GPC5: variants seen among roughly 807,000 people sequenced by gnomAD.
GPC5 encodes the protein glypican-5.
GPC5 carries 47 observed loss-of-function variants against 53.9 expected under a neutral mutation model. That is an observed-to-expected ratio of 0.87 (90% confidence interval 0.69 to 1.11). GPC5 has a LOEUF of 1.11. Ranked by LOEUF, GPC5 falls within the 50% of genes most tolerant of loss-of-function variation. The pLI is 0.00. For synonymous variants in GPC5, 286 were observed against 263.3 expected (o/e 1.09, Z -0.84); for missense variants, 748 against 713.1 (o/e 1.05, Z -0.56).
chr13:91,729,281 A>G (rs967345310), intron 4 of GPC5, among the ~76,000 whole-genome samples: 2 of 152,140 alleles, frequency 1.3e-5, no homozygotes, highest in African/African-American at 4.8e-5. Context: ...GGTTAAATTC[A>G]GGCCTCATTT....
intron 7 of GPC5, among the ~76,000 whole-genome samples, chr13:92,771,127 T>C (rs1391761205): frequency 6.6e-6 from 1 of 151,892 alleles, no homozygotes; most frequent in Admixed American, 6.6e-5. Context: ...GACAACAGAG[T>C]GAGACCTCAT....
At chr13:92,306,336 G>T (rs2139204172) in intron 7 of GPC5, among the ~76,000 whole-genome samples, 1 of 152,262 alleles carries the variant, frequency 6.6e-6, no homozygotes, top group Admixed American at 6.5e-5. Context: ...CAAATTAAAG[G>T]TGGACCTTCT....
At chr13:92,695,002 C>T (rs910913668) in intron 7 of GPC5, among the ~76,000 whole-genome samples, 5 of 152,136 alleles carry the variant, frequency 3.3e-5, no homozygotes, top group South Asian at 4.2e-4. Context: ...ACAGTTCCTA[C>T]GTCACTCTCT....
At chr13:92,221,462 G>C (rs2042447898) in intron 7 of GPC5, among the ~76,000 whole-genome samples, 1 of 152,090 alleles carries the variant, frequency 6.6e-6, no homozygotes, top group Non-Finnish European at 1.5e-5. Flanking sequence ...CCTCAAAGTA[G>C]AGTTAGGAAT....
At chr13:92,219,376 T>G (rs1467219857) in intron 7 of GPC5, among the ~76,000 whole-genome samples, 1 of 152,118 alleles carries the variant, frequency 6.6e-6, no homozygotes, top group Non-Finnish European at 1.5e-5. Context: ...CTTACCTTAT[T>G]CCTGCATACA....
chr13:92,031,596 A>G (rs1161975642), intron 6 of GPC5, among the ~76,000 whole-genome samples: 1 of 144,304 alleles, frequency 6.9e-6, no homozygotes, highest in African/African-American at 2.6e-5. Context: ...GGAGTAAGGA[A>G]CAATTTGCAA....
At chr13:91,718,517 TGAA>T (rs894023331) in intron 3 of GPC5, among the ~76,000 whole-genome samples, 2 of 152,138 alleles carry the variant, frequency 1.3e-5, no homozygotes, top group African/African-American at 4.8e-5. Flanking sequence ...CTTCTCTTGA[TGAA>T]GAAGAGTTTT....
At chr13:91,624,065 G>A (rs1488517881) in intron 2 of GPC5, among the ~76,000 whole-genome samples, 5 of 152,112 alleles carry the variant, frequency 3.3e-5, no homozygotes, top group Non-Finnish European at 7.4e-5. Context: ...TGAACGATTA[G>A]CAGTTTGACC....
At chr13:92,336,635 G>A (rs980530663) in intron 7 of GPC5, among the ~76,000 whole-genome samples, 1 of 152,110 alleles carries the variant, frequency 6.6e-6, no homozygotes, top group Non-Finnish European at 1.5e-5. Context: ...CCATAGTAAA[G>A]TTATATGAAA....
chr13:92,570,705 C>A (rs1882996517), intron 7 of GPC5, among the ~76,000 whole-genome samples: 2 of 151,980 alleles, frequency 1.3e-5, no homozygotes, highest in South Asian at 2.1e-4. Context: ...AATCCATATA[C>A]AACCAACACA....
At chr13:92,721,397 A>G (rs1888504671) in intron 7 of GPC5, 1 of 151,780 alleles carries the variant, frequency 6.6e-6, no homozygotes, top group Non-Finnish European at 1.5e-5. Context: ...AAAATTAAAA[A>G]CCCTCCAATT....
Position 91,759,219 on chromosome 13 carries a change from ATTCT to A in GPC5, c.1280+2802_1280+2805del, listed in dbSNP as rs1437342064. Among the ~76,000 whole-genome samples the A allele has an allele frequency of 1.1e-4, 17 of 152,174 alleles. No individual in the cohort carries two copies. In the East Asian group the frequency reaches 2.7e-3, roughly 24 times the overall value. On this transcript the variant is annotated intron_variant, in intron 5 of 7. Coordinates refer to ENST00000377067, the MANE Select transcript of GPC5 (RefSeq NM_004466.6). Reference sequence around the variant, plus strand: ...TTTAATTTTAGTCATGACTCAGTCAATTCTTTATTTTTTTTCATTTTTAATTTTT... The same window carrying A: ...TTTAATTTTAGTCATGACTCAGTCAATTATTTTTTTTCATTTTTAATTTTT...
Position 91,584,639 on chromosome 13 carries a change from C to T in GPC5, c.326-108548C>T, listed in dbSNP as rs546974825. ...TGTTGCCCAGGCTGGAGTGCAATGG[C>T]GCAATCTTGGCTCACTGTAACCTCC... On this transcript the variant is annotated intron_variant, in intron 2 of 7. Transcript: ENST00000377067. 2.3e-3 allele frequency among the ~76,000 whole-genome samples: 347 copies of T among 151,580 alleles called. 1 individual carries two copies. The highest frequency in any genetic ancestry group is 2.0e-3 in the Admixed American group (31 of 15,206).
chr13:92,596,191 A>C (rs111808564), intron 7 of GPC5, among the ~76,000 whole-genome samples: 1 of 152,148 alleles, frequency 6.6e-6, no homozygotes, highest in East Asian at 1.9e-4. Flanking sequence ...CAGTCCCCAA[A>C]CTAAAACTCC....
At chr13:91,403,035 T>G (rs1471891241) in intron 1 of GPC5, among the ~76,000 whole-genome samples, 2 of 152,236 alleles carry the variant, frequency 1.3e-5, no homozygotes, top group Non-Finnish European at 2.9e-5. Flanking sequence ...GGTTTACAGA[T>G]TCACACAATT....
At chr13:91,468,529 C>A (rs1034283103) in intron 2 of GPC5, among the ~76,000 whole-genome samples, 15 of 152,190 alleles carry the variant, frequency 9.9e-5, no homozygotes, top group African/African-American at 3.6e-4. Context: ...CAGAGGAATG[C>A]CATCTTCAAG....
intron 1 of GPC5, among the ~76,000 whole-genome samples, chr13:91,412,820 A>G (rs1877908219): frequency 6.6e-6 from 1 of 152,234 alleles, no homozygotes; most frequent in African/African-American, 2.4e-5. Context: ...TAAATGCTGA[A>G]TACCCTTTGC....
intron 7 of GPC5, among the ~76,000 whole-genome samples, chr13:92,315,949 T>G (rs1369843451): frequency 6.6e-6 from 1 of 152,142 alleles, no homozygotes; most frequent in Non-Finnish European, 1.5e-5. Flanking sequence ...CCTTACATGG[T>G]TATAATAAAA....
intron 7 of GPC5, among the ~76,000 whole-genome samples, chr13:92,151,233 C>G (rs1436746721): frequency 2.0e-5 from 3 of 152,028 alleles, no homozygotes; most frequent in Non-Finnish European, 2.9e-5. Flanking sequence ...GAGCTGATCC[C>G]AGAGCCTCTC....
Sources: allele counts gnomAD v4.1 joint callset (sites outside exome capture counted in the v4.1 genomes callset), GRCh38; gene constraint gnomAD v4.1.1; transcripts MANE v1.5; gene names NCBI Gene and HGNC (gene_info 2026-07-23, HGNC 2026-07-21).